The following PLEKHM3 variants were observed in gnomAD, a reference collection of about 807,000 sequenced individuals.
PLEKHM3 encodes pleckstrin homology domain containing M3.
In PLEKHM3, 45 loss-of-function variants were observed where a neutral mutation model predicts 81.8. The observed-to-expected ratio is 0.55, with a 90% CI of 0.43 to 0.71. The LOEUF (loss-of-function observed/expected upper bound fraction) is 0.71, where lower values mean the gene tolerates loss of function less well. Ranked by LOEUF, PLEKHM3 falls within the 30% of genes least tolerant of loss-of-function variation. PLEKHM3 has a pLI of 0.00. For synonymous variants in PLEKHM3, 352 were observed against 356.4 expected, an observed-to-expected ratio of 0.99 and a Z score of 0.14; for missense variants, 788 against 924.3, an observed-to-expected ratio of 0.85 and a Z score of 1.91.
At chr2:207,996,816 C>G (rs1692135758) in intron 2 of PLEKHM3, among the ~76,000 whole-genome samples, 1 of 152,116 alleles carries the variant, frequency 6.6e-6, no homozygotes, top group African/African-American at 2.4e-5. Context: ...TTGTTAGTGT[C>G]ACTTTGATTC....
rs1239861236 is a variant in PLEKHM3 at position 207,974,835 on chromosome 2, CT to C, written c.1546+1815del. On this transcript the variant is annotated intron_variant, in intron 3 of 7. Transcript: ENST00000427836. Reference sequence around the variant, plus strand: ...ACATATATATAAACTAGTAGAGCTTCTTTTTTTTTTTTTTGAGATGGAGTCT... The same window carrying C: ...ACATATATATAAACTAGTAGAGCTTCTTTTTTTTTTTTTGAGATGGAGTCT... Among the ~76,000 whole-genome samples the C allele has an allele frequency of 2.9e-3, 412 of 142,768 alleles. 1 individual carries two copies. The highest frequency in any genetic ancestry group is 3.6e-3 in the Middle Eastern group (1 of 278). 93.7% of individuals were successfully genotyped at this position (142,768 alleles called of 152,430 possible). A position where few individuals can be genotyped will look rare whatever the true frequency, so the allele number is the denominator to read the frequency against.
intron 5 of PLEKHM3, among the ~76,000 whole-genome samples, chr2:207,912,631 G>A (rs955882267): frequency 6.6e-6 from 1 of 152,206 alleles, no homozygotes; most frequent in African/African-American, 2.4e-5. Flanking sequence ...TAGTATGAAA[G>A]CACTGAAGTC....
At chr2:207,913,300 CA>C (rs1322332384) in intron 5 of PLEKHM3, among the ~76,000 whole-genome samples, 3 of 151,956 alleles carry the variant, frequency 2.0e-5, no homozygotes, top group African/African-American at 7.3e-5. Context: ...AGTGATAGTC[CA>C]GGGGGGCACA....
At chr2:207,960,098 T>C (rs1413521717) in intron 3 of PLEKHM3, among the ~76,000 whole-genome samples, 1 of 152,250 alleles carries the variant, frequency 6.6e-6, no homozygotes, top group African/African-American at 2.4e-5. Flanking sequence ...GGAAAACTCC[T>C]ATTATCTGGA....
chr2:207,906,842 C>T (rs188797069), intron 6 of PLEKHM3, among the ~76,000 whole-genome samples: 10 of 152,092 alleles, frequency 6.6e-5, no homozygotes, highest in Admixed American at 5.9e-4. Flanking sequence ...AAAAAGAACA[C>T]AAAAGTCTTA....
chr2:207,980,611 C>T (rs1691487416), intron 2 of PLEKHM3, among the ~76,000 whole-genome samples: 1 of 152,088 alleles, frequency 6.6e-6, no homozygotes, highest in African/African-American at 2.4e-5. Flanking sequence ...CTCTGTCACC[C>T]AGACTGGAGT....
intron 5 of PLEKHM3, among the ~76,000 whole-genome samples, chr2:207,913,061 A>G (rs1456104979): frequency 2.0e-5 from 3 of 152,086 alleles, no homozygotes; most frequent in African/African-American, 7.2e-5. Context: ...ATGAATGGGA[A>G]AAGTAAAGAT....
At position 207,823,515 on chromosome 2, in the gene PLEKHM3, C is replaced by G. The variant is rs1384846461; in HGVS notation, c.*4804G>C. 6.6e-6 allele frequency: 1 copy of G among 152,252 alleles called. No homozygotes were observed. Among genetic ancestry groups the G allele is most frequent in the African/African-American group, 2.4e-5 (1 of 41,458 alleles). The allele number at this position is 152,252 out of a possible 1,614,324, so 9.4% of individuals were successfully genotyped here. The stretch of plus-strand genomic sequence containing the variant: ...GGGGGGTTTCACCATGTTGGCCAGG[C>G]TGGCCTCAAACTCCTGACCTCAAGT... On this transcript the variant is annotated 3_prime_UTR_variant, in exon 8 of 8. Coordinates refer to ENST00000427836, the MANE Select transcript of PLEKHM3 (RefSeq NM_001080475.3).
intron 7 of PLEKHM3, among the ~76,000 whole-genome samples, chr2:207,859,567 G>A (rs1466743897): frequency 6.6e-6 from 1 of 151,374 alleles, no homozygotes; most frequent in Non-Finnish European, 1.5e-5. Context: ...CTGCTGCTAT[G>A]AACATTTGTG....
intron 7 of PLEKHM3, chr2:207,851,842 C>A (rs575958157): frequency 6.6e-6 from 1 of 151,278 alleles, no homozygotes; most frequent in Admixed American, 6.6e-5. Flanking sequence ...TGCTTTGGTG[C>A]AACAAACAGG....
intron 7 of PLEKHM3, among the ~76,000 whole-genome samples, chr2:207,832,396 C>A (rs959022036): frequency 1.3e-5 from 2 of 152,044 alleles, no homozygotes; most frequent in African/African-American, 4.8e-5. Flanking sequence ...ATTTATGGAG[C>A]CCTGTAATAA....
chr2:207,919,609 C>T (rs542192380), intron 5 of PLEKHM3, among the ~76,000 whole-genome samples: 1 of 152,244 alleles, frequency 6.6e-6, no homozygotes, highest in South Asian at 2.1e-4. Flanking sequence ...AGGTGTTTGG[C>T]TTGCATCACT....
Position 207,865,801 on chromosome 2 carries a change from A to AAAAATATATAT in PLEKHM3, c.1951-4540_1951-4539insATATATATTTT. On this transcript the variant is annotated intron_variant, in intron 6 of 7. Coordinates refer to ENST00000427836, the MANE Select transcript of PLEKHM3 (RefSeq NM_001080475.3). ...CGACTCAAAAAAAAAAAAAAAAAAAAAGATATATATATATATATATATATA... is the reference window on the plus strand; with the variant it reads ...CGACTCAAAAAAAAAAAAAAAAAAAAAAAATATATATAGATATATATATATATATATATATA... Among the ~76,000 whole-genome samples the AAAAATATATAT allele has an allele frequency of 2.0e-4, 5 of 25,288 alleles. 1 individual carries two copies. The highest frequency in any genetic ancestry group is 4.2e-4 in the African/African-American group (2 of 4,794). 16.6% of individuals were successfully genotyped at this position (25,288 alleles called of 152,430 possible).
At chr2:207,962,528 C>A (rs960099072) in intron 3 of PLEKHM3, among the ~76,000 whole-genome samples, 8 of 152,168 alleles carry the variant, frequency 5.3e-5, no homozygotes, top group Non-Finnish European at 2.9e-5. Flanking sequence ...GTTGTTCTAA[C>A]AAATTATCAA....
chr2:207,923,905 A>ATATATATATATTT (rs1396762429), intron 5 of PLEKHM3, among the ~76,000 whole-genome samples: 13 of 28,332 alleles, frequency 4.6e-4, no homozygotes, highest in Non-Finnish European at 7.7e-4. Flanking sequence ...ATATATATAT[A>ATATATATATATTT]TTTTTTTTTT....
intron 1 of PLEKHM3, among the ~76,000 whole-genome samples, chr2:208,010,971 T>C (rs1370491231): frequency 1.4e-5 from 2 of 146,718 alleles, no homozygotes; most frequent in East Asian, 4.0e-4. Flanking sequence ...CCAATACATA[T>C]ATGAAAAAAT....
chr2:208,010,102 C>T (rs1692640207), intron 1 of PLEKHM3, among the ~76,000 whole-genome samples: 1 of 152,224 alleles, frequency 6.6e-6, no homozygotes, highest in African/African-American at 2.4e-5. Flanking sequence ...TTTCCAATGA[C>T]TTAGAGCTCA....
chr2:207,835,922 C>A (rs1304374321), intron 7 of PLEKHM3, among the ~76,000 whole-genome samples: 2 of 152,108 alleles, frequency 1.3e-5, no homozygotes, highest in Admixed American at 1.3e-4. Context: ...AGCCATTTAC[C>A]AGCCTATGTG....
At chr2:207,915,995 A>T (rs1476021394) in intron 5 of PLEKHM3, among the ~76,000 whole-genome samples, 3 of 152,220 alleles carry the variant, frequency 2.0e-5, no homozygotes. Flanking sequence ...TAGTTACATT[A>T]GGCTGGACGT....
Sources: allele counts gnomAD v4.1 joint callset (sites outside exome capture counted in the v4.1 genomes callset), GRCh38; gene constraint gnomAD v4.1.1; transcripts MANE v1.5; gene names NCBI Gene and HGNC (gene_info 2026-07-23, HGNC 2026-07-21).